Variants in KIF13B observed in about 807,000 individuals in gnomAD.
KIF13B encodes the protein kinesin family member 13B.
Under a neutral mutation model 222.0 loss-of-function variants are expected in KIF13B, and 127 were observed. The ratio of observed to expected loss-of-function variants is 0.57; its 90% CI spans 0.50 to 0.66. The LOEUF (loss-of-function observed/expected upper bound fraction) is 0.66. Ranked by LOEUF, KIF13B falls within the 30% of genes least tolerant of loss-of-function variation. The pLI is 0.00. For missense variants in KIF13B, 2,173 were observed against 2,379.0 expected (o/e 0.91, Z 1.80); for synonymous variants, 976 against 919.0 (o/e 1.06, Z -1.12).
intron 37 of KIF13B, among the ~76,000 whole-genome samples, chr8:29,079,325 G>A (rs1294761590): frequency 2.0e-5 from 3 of 152,268 alleles, no homozygotes; most frequent in South Asian, 2.1e-4. Flanking sequence ...AGCGCCCACC[G>A]GCTTCGCTGT....
In KIF13B at chr8:29,072,006, G is replaced by T. The variant is rs1807311136; in HGVS notation, c.4832C>A (p.Pro1611Gln). The part of the protein sequence containing the change: ...AEPEAPISHP[P>Q]PPTAVPAEEP... The stretch of plus-strand genomic sequence containing the variant: ...CTCGGCGGGGACGGCCGTGGGCGGT[G>T]GGGGGTGGCTGATGGGCGCCTCGGG... The change falls in exon 39 of 40, where the codon CCA becomes CAA. Residue 1611 changes from proline (P) to glutamine (Q), a missense_variant. Around this residue, in one of 2 missense-constraint regions of KIF13B, gnomAD observed 693 missense variants for 656.2 expected, o/e 1.06. Transcript: ENST00000524189. The T allele has an allele frequency of 7.8e-7, 1 of 1,289,076 alleles. No homozygotes were observed. The highest frequency in any genetic ancestry group is 9.8e-7 in the Non-Finnish European group (1 of 1,020,740). The allele number at this position is 1,289,076 out of a possible 1,614,324, so 79.9% of individuals were successfully genotyped here. A position where few individuals can be genotyped will look rare whatever the true frequency, so the allele number is the denominator to read the frequency against.
Position 29,134,121 on chromosome 8 carries a change from C to A in KIF13B, c.2703G>T (p.Val901=). 6.2e-7 allele frequency: 1 copy of A among 1,613,914 alleles called. No homozygotes were observed. Among genetic ancestry groups the A allele is most frequent in the Non-Finnish European group, 8.5e-7 (1 of 1,179,780 alleles). Residue 901 remains valine, a synonymous_variant, in exon 22 of 40, where the codon GTG becomes GTT. Transcript: ENST00000524189. ...KYSFWDQQEP[V]IVAPEVDTSS... ...AGGTGTCCACTTCAGGAGCGACAAT[C>A]ACCGGCTCCTGTTGATCCCAGAAGC...
At position 29,130,626 on chromosome 8, in the gene KIF13B, T is replaced by C. The variant is rs1810301518; in HGVS notation, c.2982A>G (p.Gln994=). ...EVTRKLEFWV[Q]ILEQNENGEY... ...CACCATTCTCATTCTGTTCCAAGATTTGAACCCAGAATTCCAATTTCCTGG... is the reference window on the plus strand; with the variant it reads ...CACCATTCTCATTCTGTTCCAAGATCTGAACCCAGAATTCCAATTTCCTGG... Residue 994 remains glutamine, a synonymous_variant, in exon 24 of 40, where the codon CAA becomes CAG. Transcript: ENST00000524189. 2 of 1,613,880 alleles carry C rather than the reference T, an allele frequency of 1.2e-6. No homozygotes were observed. The highest frequency in any genetic ancestry group is 1.7e-6 in the Non-Finnish European group (2 of 1,179,774).
At chr8:29,089,764 G>C (rs988183192) in intron 37 of KIF13B, among the ~76,000 whole-genome samples, 1 of 151,694 alleles carries the variant, frequency 6.6e-6, no homozygotes, top group Non-Finnish European at 1.5e-5. Flanking sequence ...CGTGGTGGCA[G>C]GTGCCTGTAA....
intron 2 of KIF13B, among the ~76,000 whole-genome samples, chr8:29,243,211 A>G (rs1469710874): frequency 6.6e-6 from 1 of 151,024 alleles, no homozygotes; most frequent in African/African-American, 2.4e-5. Flanking sequence ...GCTGGGAGTG[A>G]TGGTGGATGC....
At chr8:29,096,369 G>A (rs1008889192) in intron 36 of KIF13B, among the ~76,000 whole-genome samples, 1 of 140,264 alleles carries the variant, frequency 7.1e-6, no homozygotes, top group Non-Finnish European at 1.5e-5. Flanking sequence ...ATGCAATTGT[G>A]CCTCACTGCA....
rs1807261222 is a variant in KIF13B, at chr8:29,071,285, G to T, written c.5218+335C>A. 6.6e-6 allele frequency among the ~76,000 whole-genome samples: 1 copy of T among 152,184 alleles called. No individual in the cohort carries two copies. The highest frequency in any genetic ancestry group is 1.5e-5 in the Non-Finnish European group (1 of 68,028). ...GAAGAGCCTCCTGGAACGGCAAAGGGGAGATGCTCTAAGGTGAAGGATGAG... is the reference window on the plus strand; with the variant it reads ...GAAGAGCCTCCTGGAACGGCAAAGGTGAGATGCTCTAAGGTGAAGGATGAG... On this transcript the variant is annotated intron_variant, in intron 39 of 39. Transcript: ENST00000524189. This position sits in a 1 kb window ranked among gnomAD's most constrained non-coding sequence, Gnocchi z 4.9.
chr8:29,112,514 G>A (rs1809404805), intron 32 of KIF13B, among the ~76,000 whole-genome samples: 1 of 151,936 alleles, frequency 6.6e-6, no homozygotes, highest in Non-Finnish European at 1.5e-5. Context: ...CAGTGTCAGT[G>A]GGCAAATCCT....
At position 29,146,535 on chromosome 8, in the gene KIF13B, G is replaced by A. The variant is rs769858692; in HGVS notation, c.2030C>T (p.Ala677Val). Residue 677 changes from alanine to valine, a missense_variant, in exon 18 of 40, where the codon GCA (alanine) becomes GTA (valine). Around this residue, in one of 2 missense-constraint regions of KIF13B, gnomAD observed 1,480 missense variants for 1,722.8 expected, o/e 0.86. Coordinates refer to ENST00000524189, the MANE Select transcript of KIF13B (RefSeq NM_015254.4). ...RLRQWAEEREATLNNSLMRLR... is the reference protein window; with the variant it reads ...RLRQWAEEREVTLNNSLMRLR... ...CCTCATCAGGCTGTTATTCAACGTT[G>A]CTTCTCTAAAAAAAAATAAAGAAGC... is the stretch of plus-strand genomic sequence containing the variant. The A allele has an allele frequency of 6.2e-7, 1 of 1,611,910 alleles. No homozygotes were observed. Among genetic ancestry groups the A allele is most frequent in the Non-Finnish European group, 8.5e-7 (1 of 1,179,346 alleles).
chr8:29,247,553 G>T (rs1203415964), intron 1 of KIF13B, among the ~76,000 whole-genome samples: 1 of 152,020 alleles, frequency 6.6e-6, no homozygotes, highest in Non-Finnish European at 1.5e-5. Flanking sequence ...AATAGGCCAG[G>T]TGCAATGGCT....
chr8:29,083,448 G>GCAGATGC (rs1195489383), intron 37 of KIF13B, among the ~76,000 whole-genome samples: 1 of 152,168 alleles, frequency 6.6e-6, no homozygotes, highest in Non-Finnish European at 1.5e-5. Context: ...AAAATTGCTA[G>GCAGATGC]CAGATGCACC....
At chr8:29,197,835 A>C (rs1163325845) in intron 2 of KIF13B, among the ~76,000 whole-genome samples, 1 of 152,242 alleles carries the variant, frequency 6.6e-6, no homozygotes, top group Non-Finnish European at 1.5e-5. Flanking sequence ...ATGTTCACTT[A>C]CATAATAACA....
At chr8:29,188,649 A>G (rs935302972) in intron 4 of KIF13B, 42 bp from the exon 5 acceptor site, 1 of 1,251,566 alleles carries the variant, frequency 8.0e-7, no homozygotes, top group Admixed American at 1.9e-5. Flanking sequence ...TTAAGCCAAA[A>G]CTACATATGA....
At chr8:29,073,078 T>TACGAGGAGGGGGACGAGGAGGGGG (rs1563678162) in intron 38 of KIF13B, among the ~76,000 whole-genome samples, 2 of 93,144 alleles carry the variant, frequency 2.1e-5, no homozygotes, top group East Asian at 3.4e-4. Flanking sequence ...CGAGGAGGGG[T>TACGAGGAGGGGGACGAGGAGGGGG]ACGAGGAGGG....
chr8:29,112,155 A>C (rs1488192816), intron 32 of KIF13B, among the ~76,000 whole-genome samples: 2 of 152,236 alleles, frequency 1.3e-5, no homozygotes, highest in Non-Finnish European at 2.9e-5. Flanking sequence ...TTTCTTTTCC[A>C]AAAGCTGATC....
chr8:29,096,269 C>T (rs1399337928), intron 36 of KIF13B, among the ~76,000 whole-genome samples: 1 of 150,492 alleles, frequency 6.6e-6, no homozygotes, highest in Non-Finnish European at 1.5e-5. Context: ...CAGGCGTAAG[C>T]CACTGCACCC....
intron 19 of KIF13B, among the ~76,000 whole-genome samples, chr8:29,141,589 A>G (rs1427255076): frequency 6.6e-6 from 1 of 152,246 alleles, no homozygotes; most frequent in Non-Finnish European, 1.5e-5. Context: ...AGACATACAT[A>G]ATATGCACTT....
chr8:29,165,296 T>C (rs984983372), intron 12 of KIF13B, among the ~76,000 whole-genome samples: 2 of 152,196 alleles, frequency 1.3e-5, no homozygotes, highest in Non-Finnish European at 2.9e-5. Context: ...TATTTTTTTT[T>C]CTTGGCCACA....
intron 37 of KIF13B, among the ~76,000 whole-genome samples, chr8:29,084,148 C>T (rs754329128): frequency 6.6e-6 from 1 of 152,164 alleles, no homozygotes; most frequent in African/African-American, 2.4e-5. Flanking sequence ...AAACTCCTGA[C>T]GTCATGATCC....
Sources: gnomAD v4.1 joint callset for allele counts (sites outside exome capture counted in the v4.1 genomes callset) on GRCh38, gnomAD v4.1.1 for gene constraint, gnomAD v4.1.1 regional missense constraint, Gnocchi (gnomAD v3.1) non-coding constraint, MANE v1.5 for transcripts, NCBI Gene and HGNC (gene_info 2026-07-23, HGNC 2026-07-21) for gene names.